RBFOX1: variants seen among roughly 807,000 people sequenced by gnomAD.
RBFOX1 encodes the protein RNA binding protein fox-1 homolog 1.
A neutral mutation model predicts 57.7 loss-of-function variants in RBFOX1; 8 were observed. That is an observed-to-expected ratio of 0.14 (90% confidence interval 0.08 to 0.25). The LOEUF is 0.25. Among genes scored for constraint, RBFOX1 ranks in the 10% least tolerant of loss-of-function variants. The probability of loss-of-function intolerance (pLI) is 1.00; values close to 1 mark genes in which losing one functional copy is unlikely to be tolerated. For missense variants in RBFOX1, 611 were observed against 548.5 expected (o/e 1.11, Z -1.14); for synonymous variants, 326 against 222.4 (o/e 1.47, Z -4.15).
chr16:6,568,798 C>T (rs1364179773), intron 2 of RBFOX1, among the ~76,000 whole-genome samples: 1 of 152,008 alleles, frequency 6.6e-6, no homozygotes, highest in East Asian at 1.9e-4. Context: ...GAGATTGAGT[C>T]TTCTCTGACA....
intron 1 of RBFOX1, among the ~76,000 whole-genome samples, chr16:6,134,605 G>A (rs1412208079): frequency 6.6e-6 from 1 of 152,046 alleles, no homozygotes; most frequent in Non-Finnish European, 1.5e-5. Context: ...GGGACAGGCA[G>A]TGAGGGGGTG....
chr16:7,175,047 T>G (rs553423653), intron 4 of RBFOX1, among the ~76,000 whole-genome samples: 1 of 152,232 alleles, frequency 6.6e-6, no homozygotes, highest in African/African-American at 2.4e-5. Context: ...TTTGTTTATT[T>G]TTTATTTTTA....
intron 5 of RBFOX1, among the ~76,000 whole-genome samples, chr16:7,555,213 T>C (rs2152574022): frequency 6.6e-6 from 1 of 152,294 alleles, no homozygotes; most frequent in East Asian, 1.9e-4. Flanking sequence ...CAGAAATCAT[T>C]TCACTTTTCT....
At chr16:7,234,094 C>G (rs540153639) in intron 4 of RBFOX1, among the ~76,000 whole-genome samples, 50 of 152,238 alleles carry the variant, frequency 3.3e-4, no homozygotes, top group South Asian at 2.1e-3. Context: ...AATGCTTGGT[C>G]AATTTTCATT....
At chr16:6,291,949 A>ATGTGTGTGTGTG (rs112285049) in intron 1 of RBFOX1, among the ~76,000 whole-genome samples, 5 of 149,544 alleles carry the variant, frequency 3.3e-5, no homozygotes, top group African/African-American at 1.2e-4. Flanking sequence ...GTTGGAATGA[A>ATGTGTGTGTGTG]TGTGTGTGTG....
chr16:7,180,789 G>T (rs2082547932), intron 4 of RBFOX1, among the ~76,000 whole-genome samples: 1 of 151,314 alleles, frequency 6.6e-6, no homozygotes, highest in African/African-American at 2.4e-5. Flanking sequence ...CACAGGGAAA[G>T]TTTATTTTAA....
intron 2 of RBFOX1, among the ~76,000 whole-genome samples, chr16:5,510,478 C>T (rs1405434028): frequency 7.0e-6 from 1 of 141,960 alleles, no homozygotes; most frequent in Non-Finnish European, 1.5e-5. Context: ...GTCCTGAAAC[C>T]AGCATGTCAT....
rs1415014966 is a variant in RBFOX1, at chr16:7,078,686, A to T, written c.27+26588A>T. Among the ~76,000 whole-genome samples the T allele has an allele frequency of 3.5e-4, 47 of 135,570 alleles. 1 individual carries two copies. The highest frequency in any genetic ancestry group is 1.2e-3 in the Admixed American group (16 of 13,530). 88.9% of individuals were successfully genotyped at this position (135,570 alleles called of 152,430 possible). On this transcript the variant is annotated intron_variant, in intron 4 of 15. Transcript: ENST00000550418. ...TATTTTATCTTATTTTATTTATTTT[A>T]TTTTATTTTTTTTTGAGACAGGCTC...
At chr16:6,087,812 C>A (rs187529753) in intron 1 of RBFOX1, among the ~76,000 whole-genome samples, 3 of 152,216 alleles carry the variant, frequency 2.0e-5, no homozygotes, top group African/African-American at 7.2e-5. Flanking sequence ...ACCACCACAC[C>A]CAGTTAATTT....
intron 3 of RBFOX1, among the ~76,000 whole-genome samples, chr16:6,657,279 G>A (rs536568113): frequency 1.5e-4 from 23 of 151,326 alleles, no homozygotes; most frequent in South Asian, 4.2e-4. Context: ...TTATACTCAC[G>A]CTATAGTTTC....
At chr16:7,253,700 C>T (rs535153935) in intron 4 of RBFOX1, among the ~76,000 whole-genome samples, 4 of 152,258 alleles carry the variant, frequency 2.6e-5, no homozygotes, top group East Asian at 3.9e-4. Flanking sequence ...GGCCTAGAAA[C>T]CCCTACTCCA....
At chr16:6,341,190 C>T (rs987360670) in intron 2 of RBFOX1, among the ~76,000 whole-genome samples, 2 of 152,194 alleles carry the variant, frequency 1.3e-5, no homozygotes, top group East Asian at 3.9e-4. Flanking sequence ...GGGCAGCATT[C>T]CTTCTGAACT....
chr16:7,091,065 A>G (rs1350394866), intron 4 of RBFOX1, among the ~76,000 whole-genome samples: 1 of 152,226 alleles, frequency 6.6e-6, no homozygotes, highest in African/African-American at 2.4e-5. Context: ...GTCTTGGACC[A>G]AATGGTCCCC....
chr16:6,211,621 G>C (rs565015924), intron 1 of RBFOX1, among the ~76,000 whole-genome samples: 1 of 152,088 alleles, frequency 6.6e-6, no homozygotes, highest in Non-Finnish European at 1.5e-5. Flanking sequence ...CAATATGTCA[G>C]GTCCCCGTTT....
chr16:7,125,841 G>A (rs1282289551), intron 4 of RBFOX1, among the ~76,000 whole-genome samples: 3 of 152,170 alleles, frequency 2.0e-5, no homozygotes, highest in African/African-American at 7.2e-5. Flanking sequence ...CCAGCACTTT[G>A]GGAGGCTGCG....
intron 9 of RBFOX1, among the ~76,000 whole-genome samples, chr16:7,605,022 A>AT (rs2095229729): frequency 6.6e-6 from 1 of 152,182 alleles, no homozygotes; most frequent in Non-Finnish European, 1.5e-5. Flanking sequence ...GAGTTTACAA[A>AT]TTCTAGGTTT....
intron 3 of RBFOX1, among the ~76,000 whole-genome samples, chr16:5,614,863 C>G (rs2047963387): frequency 6.6e-6 from 1 of 152,098 alleles, no homozygotes; most frequent in Non-Finnish European, 1.5e-5. Flanking sequence ...ACAGTGCACA[C>G]CCGTTGACTT....
intron 4 of RBFOX1, among the ~76,000 whole-genome samples, chr16:7,281,558 T>G (rs1244345726): frequency 6.6e-6 from 1 of 152,150 alleles, no homozygotes; most frequent in Admixed American, 6.5e-5. Context: ...ACTACTATTC[T>G]TATTAGCATT....
intron 1 of RBFOX1, among the ~76,000 whole-genome samples, chr16:6,083,222 T>G (rs1308385055): frequency 5.9e-5 from 9 of 152,112 alleles, no homozygotes; most frequent in Non-Finnish European, 1.3e-4. Context: ...AAGCTGGTTT[T>G]GAACTCCTGA....
Sources: gnomAD v4.1 joint callset for allele counts (sites outside exome capture counted in the v4.1 genomes callset) on GRCh38, gnomAD v4.1.1 for gene constraint, MANE v1.5 for transcripts, NCBI Gene and HGNC (gene_info 2026-07-23, HGNC 2026-07-21) for gene names.